PLXDC2: variants seen among roughly 807,000 people sequenced by gnomAD.
The protein encoded by PLXDC2 is plexin domain containing 2, also known as plexin domain-containing protein 2.
Under a neutral mutation model 68.9 loss-of-function variants are expected in PLXDC2, and 40 were observed. The ratio of observed to expected loss-of-function variants is 0.58; its 90% CI spans 0.45 to 0.76. The LOEUF (loss-of-function observed/expected upper bound fraction) is 0.76, where lower values mean the gene tolerates loss of function less well. PLXDC2 is among the 30% of genes least tolerant of loss of function. The probability of loss-of-function intolerance (pLI) is 0.00; values close to 1 mark genes in which losing one functional copy is unlikely to be tolerated. For missense variants in PLXDC2, 644 were observed against 661.9 expected, an observed-to-expected ratio of 0.97 and a Z score of 0.30; for synonymous variants, 243 against 234.2, an observed-to-expected ratio of 1.04 and a Z score of -0.34.
chr10:20,147,990 G>T, intron 6 of PLXDC2, 88 bp downstream of exon 6: 1 of 884,188 alleles, frequency 1.1e-6, no homozygotes, highest in Non-Finnish European at 1.8e-6. Context: ...ACATTTTACA[G>T]CCATGATCCT....
At chr10:20,237,627 C>G (rs977319298) in intron 12 of PLXDC2, among the ~76,000 whole-genome samples, 1 of 152,118 alleles carries the variant, frequency 6.6e-6, no homozygotes, top group Non-Finnish European at 1.5e-5. Context: ...AGGTACTGTT[C>G]CATGGGGGAA....
chr10:20,200,146 C>CA (rs34400112), intron 9 of PLXDC2, among the ~76,000 whole-genome samples: 38,681 of 150,640 alleles, frequency 0.26, 5,989 homozygotes, highest in Middle Eastern at 0.36. Context: ...AAAAACAAAA[C>CA]AAAAAAAATA....
At chr10:19,830,326 A>C (rs1375931933) in intron 1 of PLXDC2, among the ~76,000 whole-genome samples, 2 of 152,224 alleles carry the variant, frequency 1.3e-5, no homozygotes, top group East Asian at 3.8e-4. Flanking sequence ...CTCTTTTCAC[A>C]GTCTTAATGT....
At chr10:19,962,219 T>A (rs1834164615) in intron 1 of PLXDC2, among the ~76,000 whole-genome samples, 2 of 151,818 alleles carry the variant, frequency 1.3e-5, no homozygotes, top group Admixed American at 6.6e-5. Context: ...GATGATTTTA[T>A]GTCTTGTCAT....
intron 6 of PLXDC2, among the ~76,000 whole-genome samples, chr10:20,161,657 G>T (rs1029453192): frequency 6.6e-6 from 1 of 151,756 alleles, no homozygotes; most frequent in African/African-American, 2.4e-5. Context: ...GGGGGTGAAA[G>T]GAAGGAAAGA....
At chr10:19,913,345 G>T (rs556093922) in intron 1 of PLXDC2, among the ~76,000 whole-genome samples, 90 of 152,040 alleles carry the variant, frequency 5.9e-4, no homozygotes, top group Admixed American at 1.1e-3. Context: ...CACCGTGATT[G>T]TAAGTTTCCT....
chr10:19,882,349 G>T (rs1837743353), intron 1 of PLXDC2, among the ~76,000 whole-genome samples: 1 of 152,138 alleles, frequency 6.6e-6, no homozygotes, highest in African/African-American at 2.4e-5. Context: ...AAGGGGTCAG[G>T]GAATTTCCAT....
chr10:20,257,866 A>G (rs901595332), intron 13 of PLXDC2, among the ~76,000 whole-genome samples: 8 of 151,926 alleles, frequency 5.3e-5, no homozygotes, highest in Non-Finnish European at 8.8e-5. Flanking sequence ...TCACTAACAA[A>G]TTTCTTAAAT....
At chr10:20,254,913 A>G (rs1456127761) in intron 13 of PLXDC2, among the ~76,000 whole-genome samples, 1 of 152,194 alleles carries the variant, frequency 6.6e-6, no homozygotes, top group Non-Finnish European at 1.5e-5. Context: ...TGTATATGTA[A>G]TCATCAAAAT....
chr10:20,086,891 G>A (rs982242090), intron 4 of PLXDC2, among the ~76,000 whole-genome samples: 1 of 152,114 alleles, frequency 6.6e-6, no homozygotes, highest in African/African-American at 2.4e-5. Context: ...TGTATTAAAA[G>A]CAATGTCTCT....
At chr10:20,232,667 A>G (rs895335716) in intron 12 of PLXDC2, among the ~76,000 whole-genome samples, 1 of 152,226 alleles carries the variant, frequency 6.6e-6, no homozygotes, top group African/African-American at 2.4e-5. Context: ...AATTTCAAGT[A>G]AAATCAAGCT....
chr10:20,055,250 A>G (rs1284640957), intron 3 of PLXDC2, among the ~76,000 whole-genome samples: 1 of 152,118 alleles, frequency 6.6e-6, no homozygotes, highest in Non-Finnish European at 1.5e-5. Flanking sequence ...TAAAAAATTA[A>G]GTTTTCTGGA....
chr10:19,855,413 T>C (rs1408867026), intron 1 of PLXDC2, among the ~76,000 whole-genome samples: 1 of 152,176 alleles, frequency 6.6e-6, no homozygotes, highest in African/African-American at 2.4e-5. Context: ...GTCCTAGGTC[T>C]ACCTCTTATT....
chr10:20,166,856 G>A (rs1373969264), intron 7 of PLXDC2, among the ~76,000 whole-genome samples: 1 of 152,096 alleles, frequency 6.6e-6, no homozygotes, highest in African/African-American at 2.4e-5. Flanking sequence ...GCTGTAAAAG[G>A]ATAACTGTTA....
At chr10:20,147,143 G>A (rs1316728809) in intron 5 of PLXDC2, among the ~76,000 whole-genome samples, 3 of 152,126 alleles carry the variant, frequency 2.0e-5, no homozygotes, top group Non-Finnish European at 4.4e-5. Flanking sequence ...GAGTGATTCA[G>A]AATATAATAT....
rs554221088 is a variant in PLXDC2 at position 19,986,059 on chromosome 10, A to G, written c.113-15716A>G. Among the ~76,000 whole-genome samples the G allele has an allele frequency of 2.6e-5, 4 of 152,332 alleles. No individual in the cohort carries two copies. In the South Asian group the frequency reaches 8.3e-4, roughly 32 times the overall value. ...ACTGGGAAGCCTTTGGAAAGCTTGA[A>G]GCTGGCATGATTTGATTAAGAAGAA... is the stretch of plus-strand genomic sequence containing the variant. On this transcript the variant is annotated intron_variant, in intron 1 of 13. Transcript: ENST00000377252.
At chr10:20,116,420 A>G (rs1206382364) in intron 4 of PLXDC2, among the ~76,000 whole-genome samples, 1 of 151,946 alleles carries the variant, frequency 6.6e-6, no homozygotes, top group African/African-American at 2.4e-5. Flanking sequence ...TTTTTTCCAT[A>G]TACCCATTTC....
intron 1 of PLXDC2, among the ~76,000 whole-genome samples, chr10:19,872,841 T>C (rs1258888643): frequency 6.6e-6 from 1 of 152,088 alleles, no homozygotes; most frequent in Non-Finnish European, 1.5e-5. Flanking sequence ...AAACACACCA[T>C]TTGTTGCACC....
chr10:19,829,154 C>CTTTTTTTTTTTTTTTT (rs71388870), intron 1 of PLXDC2, among the ~76,000 whole-genome samples: 32 of 94,414 alleles, frequency 3.4e-4, no homozygotes, highest in Non-Finnish European at 4.9e-4. Flanking sequence ...ACGCTTTCCT[C>CTTTTTTTTTTTTTTTT]TTTTTTTTTT....
Sources: allele counts gnomAD v4.1 joint callset (sites outside exome capture counted in the v4.1 genomes callset), GRCh38; gene constraint gnomAD v4.1.1; transcripts MANE v1.5; gene names NCBI Gene and HGNC (gene_info 2026-07-23, HGNC 2026-07-21).